The following RASAL2 variants were observed in gnomAD, a reference collection of about 807,000 sequenced individuals.
The protein encoded by RASAL2 is ras GTPase-activating protein nGAP.
RASAL2 carries 58 observed loss-of-function variants against 128.9 expected under a neutral mutation model. That is an observed-to-expected ratio of 0.45 (90% CI 0.36 to 0.56). RASAL2 has a LOEUF of 0.56. Ranked by LOEUF, RASAL2 falls within the 20% of genes least tolerant of loss-of-function variation. RASAL2 has a pLI of 0.00. For synonymous variants in RASAL2, 561 were observed against 580.8 expected, an observed-to-expected ratio of 0.97 and a Z score of 0.49; for missense variants, 1,360 against 1,601.6, an observed-to-expected ratio of 0.85 and a Z score of 2.57.
At chr1:178,352,943 T>C in intron 3 of RASAL2, among the ~76,000 whole-genome samples, 1 of 152,234 alleles carries the variant, frequency 6.6e-6, no homozygotes, top group East Asian at 1.9e-4. Flanking sequence ...GTCCTGAGGC[T>C]GCATGGGGCA....
intron 1 of RASAL2, among the ~76,000 whole-genome samples, chr1:178,150,893 G>T (rs1660891184): frequency 1.3e-5 from 2 of 151,990 alleles, no homozygotes; most frequent in South Asian, 4.2e-4. Context: ...CATCCTTTTT[G>T]CTATTTAGTG....
intron 1 of RASAL2, among the ~76,000 whole-genome samples, chr1:178,159,578 A>G (rs563766118): frequency 2.0e-5 from 3 of 152,162 alleles, no homozygotes; most frequent in Non-Finnish European, 4.4e-5. Context: ...TTATTAGACT[A>G]TTATTGAAAA....
chr1:178,431,903 T>A (rs974445070), intron 5 of RASAL2, among the ~76,000 whole-genome samples: 1 of 148,782 alleles, frequency 6.7e-6, no homozygotes, highest in East Asian at 1.9e-4. Flanking sequence ...AAATATATTG[T>A]TATATAAATA....
intron 1 of RASAL2, among the ~76,000 whole-genome samples, chr1:178,112,448 G>T (rs1326724892): frequency 6.6e-6 from 1 of 152,010 alleles, no homozygotes; most frequent in Non-Finnish European, 1.5e-5. Context: ...TACTCAGGAG[G>T]CTGAGGCAGG....
rs58641965 is a variant in RASAL2, at chr1:178,438,102, TTGTGTGTGTGTG to T, written c.675-1289_675-1278del. On this transcript the variant is annotated intron_variant, in intron 5 of 17. Coordinates refer to ENST00000367649, the MANE Select transcript of RASAL2 (RefSeq NM_170692.4). ...TGCAGCCTAAACTTTAAATGGTGGC[TTGTGTGTGTGTG>T]TGTGTGTGTGTGTGTGTGTGTGTGT... Among the ~76,000 whole-genome samples the T allele has an allele frequency of 2.3e-3, 326 of 142,154 alleles. 1 individual carries two copies. The highest frequency in any genetic ancestry group is 0.011 in the Middle Eastern group (3 of 284). The allele number at this position is 142,154 out of a possible 152,430, so 93.3% of individuals were successfully genotyped here.
At chr1:178,295,544 T>C (rs1056943480) in intron 2 of RASAL2, among the ~76,000 whole-genome samples, 1 of 152,072 alleles carries the variant, frequency 6.6e-6, no homozygotes, top group African/African-American at 2.4e-5. Context: ...CCTGACACTT[T>C]GAGATGCTTA....
At chr1:178,366,584 C>A in intron 3 of RASAL2, among the ~76,000 whole-genome samples, 1 of 40,942 alleles carries the variant, frequency 2.4e-5, no homozygotes, top group Non-Finnish European at 3.8e-5. Flanking sequence ...GTACCTCCCA[C>A]CCCCCCCCGC....
chr1:178,400,097 G>A (rs1673513926), intron 4 of RASAL2, among the ~76,000 whole-genome samples: 1 of 152,092 alleles, frequency 6.6e-6, no homozygotes, highest in Middle Eastern at 3.2e-3. Flanking sequence ...TTCAAAAACT[G>A]TCAGTCGCCC....
In RASAL2 at chr1:178,456,842, A is replaced by T; in HGVS notation, c.2333A>T (p.Asn778Ile). The T allele has an allele frequency of 6.2e-7, 1 of 1,614,128 alleles. No individual in the cohort carries two copies. The highest frequency in any genetic ancestry group is 8.5e-7 in the Non-Finnish European group (1 of 1,180,008). The change falls in exon 13 of 18, where the codon AAT (asparagine) becomes ATT (isoleucine). Residue 778 changes from asparagine (N) to isoleucine (I), a missense_variant. Physicochemically the swap from Asn to Ile is moderately radical, Grantham distance 149 (BLOSUM62 -3). Around this residue, in one of 3 missense-constraint regions of RASAL2, gnomAD observed 741 missense variants for 868.6 expected, o/e 0.85. Transcript: ENST00000367649. ...TTCACTGAACATAACTCCAGTCCAA[A>T]TGTCAGTGGAAGCCTCTCCTCTGGG... The part of the protein sequence containing the change: ...RRFTEHNSSP[N>I]VSGSLSSGLQ...
chr1:178,422,517 T>C (rs143595756), intron 5 of RASAL2, among the ~76,000 whole-genome samples: 1 of 152,232 alleles, frequency 6.6e-6, no homozygotes, highest in Non-Finnish European at 1.5e-5. Context: ...TTTTCTTGTA[T>C]AGAGGTGTAC....
chr1:178,415,041 T>C lies in RASAL2; in HGVS notation c.565-5470T>C, dbSNP rs115004979. ...GGAACCAGCTTTTGATTTTATTGCT[T>C]TTATCTATTGATTTATTGTTTTCAA... is the stretch of plus-strand genomic sequence containing the variant. On this transcript the variant is annotated intron_variant, in intron 4 of 17. Coordinates refer to ENST00000367649, the MANE Select transcript of RASAL2 (RefSeq NM_170692.4). Among the ~76,000 whole-genome samples the C allele has an allele frequency of 3.8e-3, 574 of 152,268 alleles. 2 individuals carry two copies. The highest frequency in any genetic ancestry group is 6.5e-3 in the Non-Finnish European group (440 of 67,994).
chr1:178,126,393 C>G (rs1659901227), intron 1 of RASAL2, among the ~76,000 whole-genome samples: 1 of 152,136 alleles, frequency 6.6e-6, no homozygotes, highest in Non-Finnish European at 1.5e-5. Context: ...GGTTGACTAG[C>G]AAGGCAATCC....
chr1:178,404,365 C>G (rs9782947), intron 4 of RASAL2, among the ~76,000 whole-genome samples: 113,020 of 151,964 alleles, frequency 0.74, 42,887 homozygotes, highest in African/African-American at 0.9. Context: ...TATAATCAGA[C>G]AAATGCAATT....
intron 1 of RASAL2, among the ~76,000 whole-genome samples, chr1:178,226,255 G>A (rs1663781549): frequency 6.6e-6 from 1 of 152,130 alleles, no homozygotes; most frequent in Non-Finnish European, 1.5e-5. Context: ...CACTGGTCTG[G>A]AAGCAGATTT....
chr1:178,164,361 C>A (rs1661438080), intron 1 of RASAL2, among the ~76,000 whole-genome samples: 1 of 152,026 alleles, frequency 6.6e-6, no homozygotes, highest in Non-Finnish European at 1.5e-5. Flanking sequence ...AGATTAATGT[C>A]TTTTCTAATT....
At chr1:178,110,458 T>C (rs1039627099) in intron 1 of RASAL2, among the ~76,000 whole-genome samples, 24 of 149,912 alleles carry the variant, frequency 1.6e-4, no homozygotes, top group African/African-American at 5.6e-4. Context: ...GTAAATTCTA[T>C]GTGAATAGTT....
At chr1:178,199,856 A>G (rs959213702) in intron 1 of RASAL2, among the ~76,000 whole-genome samples, 11 of 152,314 alleles carry the variant, frequency 7.2e-5, no homozygotes, top group African/African-American at 1.2e-4. Flanking sequence ...CCAACCCTCA[A>G]TCTGGGTGGG....
intron 2 of RASAL2, 41 bp downstream of exon 2, chr1:178,283,732 G>A: frequency 6.3e-7 from 1 of 1,597,968 alleles, no homozygotes; most frequent in East Asian, 2.2e-5. Context: ...TTCCTTTTCT[G>A]AGTAAATTCC....
At chr1:178,353,501 C>T (rs2102448987) in intron 3 of RASAL2, among the ~76,000 whole-genome samples, 1 of 152,324 alleles carries the variant, frequency 6.6e-6, no homozygotes, top group South Asian at 2.1e-4. Context: ...ATATCACTAT[C>T]AGTATTTTGG....
Sources: allele counts gnomAD v4.1 joint callset (sites outside exome capture counted in the v4.1 genomes callset), GRCh38; gene constraint gnomAD v4.1.1; regional missense constraint gnomAD v4.1.1; transcripts MANE v1.5; gene names NCBI Gene and HGNC (gene_info 2026-07-23, HGNC 2026-07-21).